NAV2: variants seen among roughly 807,000 people sequenced by gnomAD.
The protein encoded by NAV2 is helicase, APC down-regulated 1.
A neutral mutation model predicts 223.2 loss-of-function variants in NAV2; 54 were observed. The ratio of observed to expected loss-of-function variants is 0.24; its 90% CI spans 0.19 to 0.30. The LOEUF is 0.30. Among genes scored for constraint, NAV2 ranks in the 10% least tolerant of loss-of-function variants. The pLI is 1.00. For missense variants in NAV2, 2,806 were observed against 3,147.5 expected (o/e 0.89, Z 2.60); for synonymous variants, 1,279 against 1,239.3 (o/e 1.03, Z -0.67).
At chr11:19,976,204 G>C (rs925266153) in intron 10 of NAV2, among the ~76,000 whole-genome samples, 5 of 152,140 alleles carry the variant, frequency 3.3e-5, no homozygotes, top group Non-Finnish European at 7.4e-5. Context: ...ATCACCTGGG[G>C]GGTTTATGGA....
chr11:19,877,245 G>C (rs2153078519), intron 4 of NAV2, among the ~76,000 whole-genome samples: 1 of 151,864 alleles, frequency 6.6e-6, no homozygotes, highest in East Asian at 1.9e-4. Context: ...TGCATATAAA[G>C]AGCTTAGCCT....
At chr11:19,610,441 T>G (rs2046605192) in intron 1 of NAV2, among the ~76,000 whole-genome samples, 1 of 152,182 alleles carries the variant, frequency 6.6e-6, no homozygotes, top group Non-Finnish European at 1.5e-5. Context: ...TGGGCTACAG[T>G]TGCAGCTCTG....
chr11:19,533,745 C>T (rs1386393173), intron 1 of NAV2, among the ~76,000 whole-genome samples: 3 of 120,840 alleles, frequency 2.5e-5, no homozygotes, highest in Admixed American at 8.2e-5. Context: ...CTCGCTCTGT[C>T]GCCCAGGCTG....
chr11:19,743,581 C>G (rs1487805972), intron 1 of NAV2, among the ~76,000 whole-genome samples: 2 of 152,208 alleles, frequency 1.3e-5, no homozygotes, highest in Non-Finnish European at 2.9e-5. Flanking sequence ...CTGGGTTTCC[C>G]CAAAGGACAA....
intron 2 of NAV2, among the ~76,000 whole-genome samples, chr11:19,840,019 A>T (rs868135820): frequency 6.6e-6 from 1 of 152,248 alleles, no homozygotes; most frequent in Non-Finnish European, 1.5e-5. Context: ...TTACCAGCAG[A>T]ATCAGAGCTG....
At chr11:20,063,071 T>C (rs557227907) in intron 20 of NAV2, among the ~76,000 whole-genome samples, 1 of 152,242 alleles carries the variant, frequency 6.6e-6, no homozygotes, top group African/African-American at 2.4e-5. Context: ...TTAAATGTTA[T>C]AAAGATTACA....
chr11:19,877,666 G>A (rs1440929551), intron 4 of NAV2, among the ~76,000 whole-genome samples: 6 of 151,708 alleles, frequency 4.0e-5, no homozygotes, highest in African/African-American at 9.7e-5. Flanking sequence ...TAGAGATGGG[G>A]TTTCACCGTG....
At chr11:19,893,349 G>A (rs1591105872) in intron 6 of NAV2, among the ~76,000 whole-genome samples, 1 of 152,148 alleles carries the variant, frequency 6.6e-6, no homozygotes, top group East Asian at 1.9e-4. Context: ...TCTAGGCAAA[G>A]TAGTCTAGAC....
At chr11:19,540,967 C>T (rs2044324489) in intron 1 of NAV2, among the ~76,000 whole-genome samples, 1 of 152,064 alleles carries the variant, frequency 6.6e-6, no homozygotes, top group Non-Finnish European at 1.5e-5. Context: ...GAAGAGAATA[C>T]AAGAGAAAAG....
intron 1 of NAV2, among the ~76,000 whole-genome samples, chr11:19,681,635 C>T (rs2048883161): frequency 6.6e-6 from 1 of 152,204 alleles, no homozygotes; most frequent in South Asian, 2.1e-4. Flanking sequence ...CCTTGGTCCT[C>T]CACACCAATA....
intron 1 of NAV2, among the ~76,000 whole-genome samples, chr11:19,567,732 G>T (rs766639491): frequency 3.9e-5 from 6 of 152,058 alleles, no homozygotes; most frequent in African/African-American, 1.2e-4. Context: ...CTTGTCTTTA[G>T]GTCTTTCCAT....
At chr11:19,921,330 T>C (rs1415465109) in intron 6 of NAV2, among the ~76,000 whole-genome samples, 2 of 152,212 alleles carry the variant, frequency 1.3e-5, no homozygotes, top group African/African-American at 4.8e-5. Flanking sequence ...CAGAGAAATA[T>C]AATAAGCTCG....
chr11:19,819,629 C>T (rs535999364), intron 1 of NAV2, among the ~76,000 whole-genome samples: 1 of 152,202 alleles, frequency 6.6e-6, no homozygotes, highest in South Asian at 2.1e-4. Context: ...AGCTGATGCA[C>T]TTGAAGGCAT....
intron 31 of NAV2, among the ~76,000 whole-genome samples, chr11:20,100,591 G>A (rs1186830770): frequency 1.5e-5 from 2 of 135,326 alleles, no homozygotes; most frequent in South Asian, 2.4e-4. Context: ...GTGTGTGTGT[G>A]TAGTAAGTAT....
chr11:19,375,658 A>G (rs192586710), intron 1 of NAV2, among the ~76,000 whole-genome samples: 1 of 152,306 alleles, frequency 6.6e-6, no homozygotes, highest in East Asian at 1.9e-4. Flanking sequence ...ACCTAAATTT[A>G]TCTACAGAAT....
chr11:19,405,335 A>G (rs1316000235), intron 1 of NAV2, among the ~76,000 whole-genome samples: 1 of 152,104 alleles, frequency 6.6e-6, no homozygotes, highest in Non-Finnish European at 1.5e-5. Context: ...TTTTTCACCC[A>G]AATTCTGACA....
chr11:19,618,399 TA>T (rs371800009), intron 1 of NAV2, among the ~76,000 whole-genome samples: 4,652 of 16,840 alleles, frequency 0.28, 139 homozygotes, highest in East Asian at 0.43. Flanking sequence ...GATGGATGAA[TA>T]GATGGATGGA....
chr11:20,066,929 C>T (rs924121832), intron 20 of NAV2, among the ~76,000 whole-genome samples: 9 of 152,272 alleles, frequency 5.9e-5, no homozygotes, highest in African/African-American at 2.2e-4. Flanking sequence ...AGGAGGGTTC[C>T]TCTTTATGAG....
intron 1 of NAV2, among the ~76,000 whole-genome samples, chr11:19,746,128 G>A (rs2053317918): frequency 1.3e-5 from 2 of 152,186 alleles, no homozygotes; most frequent in Non-Finnish European, 2.9e-5. Context: ...GAATCATAGG[G>A]TCAGGTCAAA....
Sources: allele counts gnomAD v4.1 joint callset (sites outside exome capture counted in the v4.1 genomes callset), GRCh38; gene constraint gnomAD v4.1.1; transcripts MANE v1.5; gene names NCBI Gene and HGNC (gene_info 2026-07-23, HGNC 2026-07-21).